Variants in SPHK2 observed in about 807,000 individuals in gnomAD.
SPHK2 encodes sphingosine kinase 2.
Under a neutral mutation model 32.3 loss-of-function variants are expected in SPHK2, and 18 were observed. The observed-to-expected ratio is 0.56, with a 90% CI of 0.39 to 0.83. The LOEUF is 0.83. Ranked by LOEUF, SPHK2 falls within the 40% of genes least tolerant of loss-of-function variation. The pLI is 0.00. For missense variants in SPHK2, 850 were observed against 908.7 expected (o/e 0.94, Z 0.83); for synonymous variants, 462 against 417.6 (o/e 1.11, Z -1.30).
In SPHK2 at chr19:48,628,769, G is replaced by GT; in HGVS notation, c.962dup (p.Thr322AspfsTer72). On this transcript the variant is annotated frameshift_variant, in exon 7 of 7. Coordinates refer to ENST00000245222, the MANE Select transcript of SPHK2 (RefSeq NM_020126.5). LOFTEE classifies it low-confidence loss of function (END_TRUNC). The surrounding 1 kb of genome is among the most constrained non-coding windows in gnomAD (Gnocchi z 5.2). ...TGGCCACCCACTGGACCTGCTCTCCGTGACGCTGGCCTCGGGCTCCCGCTG... is the reference window on the plus strand; with the variant it reads ...TGGCCACCCACTGGACCTGCTCTCCGTTGACGCTGGCCTCGGGCTCCCGCTG... 6.2e-7 allele frequency: 1 copy of GT among 1,613,336 alleles called. No individual in the cohort carries two copies. The highest frequency in any genetic ancestry group is 8.5e-7 in the Non-Finnish European group (1 of 1,180,030).
At chr19:48,627,218 C>T (rs2029990221) in intron 3 of SPHK2, among the ~76,000 whole-genome samples, 1 of 152,226 alleles carries the variant, frequency 6.6e-6, no homozygotes, top group Non-Finnish European at 1.5e-5. Flanking sequence ...TTTCTGTCTC[C>T]TATCCTCTTC....
At chr19:48,626,492 A>T in intron 3 of SPHK2, 130 bp downstream of exon 3, 1 of 1,182,292 alleles carries the variant, frequency 8.5e-7, no homozygotes, top group Non-Finnish European at 1.1e-6. Flanking sequence ...GTTAGGAGTG[A>T]TACACAGGGA....
rs1181059500 is a variant in SPHK2 at position 48,628,245 on chromosome 19, C to T, written c.840C>T (p.Asn280=). 1.5e-5 allele frequency: 25 copies of T among 1,613,434 alleles called. No homozygotes were observed. Among genetic ancestry groups the T allele is most frequent in the Admixed American group, 1.0e-4 (6 of 59,992 alleles). ...PVGILPCGSG[N]ALAGAVNQHG... ...GCATCCTCCCCTGCGGCTCGGGCAA[C>T]GCGCTGGCCGGAGCAGTGAACCAGC... is the stretch of plus-strand genomic sequence containing the variant. The change falls in exon 6 of 7, where the codon AAC becomes AAT. Residue 280 remains asparagine, a synonymous_variant. Transcript: ENST00000245222. The surrounding 1 kb of genome is among the most constrained non-coding windows in gnomAD (Gnocchi z 5.2).
Position 48,628,280 on chromosome 19 carries a change from A to G in SPHK2, c.872+3A>G, listed in dbSNP as rs750734391. ...GGAGCAGTGAACCAGCACGGGGGGT[A>G]GGTTGAGGATACCACGAAGGGAGGG... On this transcript the variant is annotated splice_donor_region_variant and intron_variant, in intron 6 of 6. Coordinates refer to ENST00000245222, the MANE Select transcript of SPHK2 (RefSeq NM_020126.5). The surrounding 1 kb of genome is among the most constrained non-coding windows in gnomAD (Gnocchi z 5.2). The G allele has an allele frequency of 6.2e-7, 1 of 1,612,538 alleles. No individual in the cohort carries two copies. The highest frequency in any genetic ancestry group is 2.2e-5 in the East Asian group (1 of 44,858).
In SPHK2 at chr19:48,628,492, G is replaced by T. The variant is rs139636538; in HGVS notation, c.873-189G>T. ...TGGCATGGGAGGCACTCAGTGAATT[G>T]TAGGGAGCAAATGAAAGATGACCAG... On this transcript the variant is annotated intron_variant, in intron 6 of 6. Transcript: ENST00000245222. The surrounding 1 kb of genome is among the most constrained non-coding windows in gnomAD (Gnocchi z 5.2). 6 of 884,142 alleles carry T rather than the reference G, an allele frequency of 6.8e-6. No individual in the cohort carries two copies. The Middle Eastern group carries it at 6.3e-4, about 93-fold the overall frequency. The allele number at this position is 884,142 out of a possible 1,614,324, so 54.8% of individuals were successfully genotyped here. A position where few individuals can be genotyped will look rare whatever the true frequency, so the allele number is the denominator to read the frequency against.
chr19:48,626,489 G>A (rs2147687642), intron 3 of SPHK2, 127 bp downstream of exon 3: 2 of 1,221,306 alleles, frequency 1.6e-6, no homozygotes, highest in South Asian at 1.6e-5. Flanking sequence ...TCCGTTAGGA[G>A]TGATACACAG....
At position 48,630,160 on chromosome 19, in the gene SPHK2, G is replaced by A. The variant is rs1003943680; in HGVS notation, c.*387G>A. ...TGTACTGGCTGGGGTAGGCCTCAGT[G>A]AGTCGGCCGGTCAGGGCCCGCAGCC... On this transcript the variant is annotated 3_prime_UTR_variant, in exon 7 of 7. Transcript: ENST00000245222. The surrounding 1 kb of genome is among the most constrained non-coding windows in gnomAD (Gnocchi z 4.9). The A allele has an allele frequency of 1.6e-6, 2 of 1,242,738 alleles. No individual in the cohort carries two copies. Among genetic ancestry groups the A allele is most frequent in the African/African-American group, 3.1e-5 (2 of 64,650 alleles). 77.0% of individuals were successfully genotyped at this position (1,242,738 alleles called of 1,614,324 possible). A position where few individuals can be genotyped will look rare whatever the true frequency, so the allele number is the denominator to read the frequency against.
Position 48,629,987 on chromosome 19 carries a change from T to C in SPHK2, c.*214T>C. On this transcript the variant is annotated 3_prime_UTR_variant, in exon 7 of 7. Transcript: ENST00000245222. The stretch of plus-strand genomic sequence containing the variant: ...ATGGGCTCGTCCCGAGGGTAGTGCC[T>C]GATCAATGAGGGCGGGGCCTGGCGT... 7.2e-7 allele frequency: 1 copy of C among 1,393,674 alleles called. No homozygotes were observed. Among genetic ancestry groups the C allele is most frequent in the East Asian group, 2.6e-5 (1 of 38,782 alleles). 86.3% of individuals were successfully genotyped at this position (1,393,674 alleles called of 1,614,324 possible). A position where few individuals can be genotyped will look rare whatever the true frequency, so the allele number is the denominator to read the frequency against.
chr19:48,628,359 C>A lies in SPHK2; in HGVS notation c.872+82C>A. On this transcript the variant is annotated intron_variant, in intron 6 of 6. Coordinates refer to ENST00000245222, the MANE Select transcript of SPHK2 (RefSeq NM_020126.5). This position sits in a 1 kb window ranked among gnomAD's most constrained non-coding sequence, Gnocchi z 5.2. Reference sequence around the variant, plus strand: ...CCTATATCTCCCACTCAGCCAAACCCACAGTCAGTCAAGTAAATCAGCCTG... The same window carrying A: ...CCTATATCTCCCACTCAGCCAAACCAACAGTCAGTCAAGTAAATCAGCCTG... 1 of 1,315,538 alleles carries A rather than the reference C, an allele frequency of 7.6e-7. No individual in the cohort carries two copies. The highest frequency in any genetic ancestry group is 1.1e-6 in the Non-Finnish European group (1 of 918,540). The allele number at this position is 1,315,538 out of a possible 1,614,324, so 81.5% of individuals were successfully genotyped here.
Position 48,629,064 on chromosome 19 carries a change from C to T in SPHK2, c.1256C>T (p.Ser419Phe), listed in dbSNP as rs775328709. The T allele has an allele frequency of 6.2e-7, 1 of 1,613,282 alleles. No homozygotes were observed. The highest frequency in any genetic ancestry group is 1.1e-5 in the South Asian group (1 of 91,070). ...PPMAHSPLHR[S>F]VSDLPLPLPQ... is the part of the protein sequence containing the mutation. The stretch of plus-strand genomic sequence containing the variant: ...ATGGCCCACTCACCCCTGCATCGTT[C>T]TGTGTCTGACCTGCCTCTTCCCCTG... Residue 419 changes from serine (S) to phenylalanine (F), a missense_variant, in exon 7 of 7, where the codon TCT becomes TTT. Coordinates refer to ENST00000245222, the MANE Select transcript of SPHK2 (RefSeq NM_020126.5).
rs189718828 is a variant in SPHK2, at chr19:48,621,847, C to T, written c.39+1294C>T. ...GTTTTAGGACTTGAGTTTATCCTGT[C>T]TAGTGACCTTGCAGCTGCACAGTTA... On this transcript the variant is annotated intron_variant, in intron 2 of 6. Coordinates refer to ENST00000245222, the MANE Select transcript of SPHK2 (RefSeq NM_020126.5). Among the ~76,000 whole-genome samples the T allele has an allele frequency of 1.7e-3, 252 of 152,278 alleles. 2 individuals carry two copies. Among genetic ancestry groups the T allele is most frequent in the African/African-American group, 5.6e-3 (233 of 41,554 alleles).
Position 48,628,120 on chromosome 19 carries a change from G to A in SPHK2, c.757-42G>A, listed in dbSNP as rs757905699. On this transcript the variant is annotated intron_variant, in intron 5 of 6. Transcript: ENST00000245222. The surrounding 1 kb of genome is among the most constrained non-coding windows in gnomAD (Gnocchi z 5.2). Reference sequence around the variant, plus strand: ...GCCCTGGGCCCTGGGGGACTATAGAGACTGCCACCAGGACCCAGGCTTCTG... The same window carrying A: ...GCCCTGGGCCCTGGGGGACTATAGAAACTGCCACCAGGACCCAGGCTTCTG... 7 of 1,596,108 alleles carry A rather than the reference G, an allele frequency of 4.4e-6. No individual in the cohort carries two copies. The African/African-American group carries it at 6.7e-5, about 15-fold the overall frequency.
In SPHK2 at chr19:48,626,050, C is replaced by T; in HGVS notation, c.199C>T (p.Leu67Phe). 6.2e-7 allele frequency: 1 copy of T among 1,613,490 alleles called. No individual in the cohort carries two copies. The highest frequency in any genetic ancestry group is 8.5e-7 in the Non-Finnish European group (1 of 1,179,914). Residue 67 changes from leucine to phenylalanine, a missense_variant, in exon 3 of 7, where the codon CTC (leucine) becomes TTC (phenylalanine). Leu to Phe is a conservative substitution (Grantham distance 22). Transcript: ENST00000245222. ...SYPARGPRFA[L>F]TLTSQALHIQ... ...CCCAGCCCGAGGCCCACGCTTTGCC[C>T]TCACCCTTACATCGCAGGCCCTGCA...
In SPHK2 at chr19:48,629,356, C is replaced by A. The variant is rs1451837747; in HGVS notation, c.1548C>A (p.Pro516=). ...ARVGASTCGP[P]DHLLPPLGTP... is the part of the protein sequence containing the mutation. ...TAGGGGCCTCCACCTGCGGCCCGCC[C>A]GACCACCTGCTGCCTCCGCTGGGCA... Residue 516 remains proline, a synonymous_variant, in exon 7 of 7, where the codon CCC becomes CCA. Transcript: ENST00000245222. 1 of 1,612,330 alleles carries A rather than the reference C, an allele frequency of 6.2e-7. No individual in the cohort carries two copies. Among genetic ancestry groups the A allele is most frequent in the Non-Finnish European group, 8.5e-7 (1 of 1,179,632 alleles).
At position 48,624,869 on chromosome 19, in the gene SPHK2, C is replaced by T. The variant is rs1360398692; in HGVS notation, c.40-1022C>T. ...TAGTTCCTAAGGGTGAGTCCACAGG[C>T]GGTGGGGGGTGGGGGGCTGTCCTGG... On this transcript the variant is annotated intron_variant, in intron 2 of 6. Coordinates refer to ENST00000245222, the MANE Select transcript of SPHK2 (RefSeq NM_020126.5). 1.2e-5 allele frequency: 10 copies of T among 853,316 alleles called. No homozygotes were observed. The African/African-American group carries it at 1.9e-4, about 16-fold the overall frequency. 52.9% of individuals were successfully genotyped at this position (853,316 alleles called of 1,614,324 possible).
intron 2 of SPHK2, chr19:48,623,436 C>G (rs903043011): frequency 6.6e-6 from 1 of 152,248 alleles, no homozygotes; most frequent in Non-Finnish European, 1.5e-5. Flanking sequence ...TAATGCATAT[C>G]TCTTTCTCTC....
At position 48,628,039 on chromosome 19, in the gene SPHK2, C is replaced by T; in HGVS notation, c.726C>T (p.Val242=). 1 of 1,595,664 alleles carries T rather than the reference C, an allele frequency of 6.3e-7. No individual in the cohort carries two copies. The highest frequency in any genetic ancestry group is 8.6e-7 in the Non-Finnish European group (1 of 1,167,548). ...GLSLSEWDGI[V]TVSGDGLLHE... is the part of the protein sequence containing the mutation. ...GCCTGAGTGAGTGGGATGGCATCGT[C>T]ACGGTCTCGGGAGACGGGCTGCTCC... is the stretch of plus-strand genomic sequence containing the variant. Residue 242 remains valine, a synonymous_variant, in exon 5 of 7, where the codon GTC becomes GTT. Coordinates refer to ENST00000245222, the MANE Select transcript of SPHK2 (RefSeq NM_020126.5). This position sits in a 1 kb window ranked among gnomAD's most constrained non-coding sequence, Gnocchi z 5.2.
In SPHK2 at chr19:48,629,768, C is replaced by A. The variant is rs1279189728; in HGVS notation, c.1960C>A (p.Pro654Thr). The A allele has an allele frequency of 1.3e-6, 2 of 1,566,406 alleles. No homozygotes were observed. Among genetic ancestry groups the A allele is most frequent in the African/African-American group, 2.7e-5 (2 of 73,592 alleles). ...TGPPGCPGRE[P>T] is the part of the protein sequence containing the mutation. ...GCCTCCTGGCTGCCCGGGGCGGGAGCCCTGAAACTAAACAAGCTTGGTACC... is the reference window on the plus strand; with the variant it reads ...GCCTCCTGGCTGCCCGGGGCGGGAGACCTGAAACTAAACAAGCTTGGTACC... Residue 654 changes from proline (P) to threonine (T), a missense_variant, in exon 7 of 7, where the codon CCC becomes ACC. By Grantham distance (38) the Pro-to-Thr change is conservative (BLOSUM62 -1). This residue lies in a region of SPHK2 where 306 missense variants were observed against 268.6 expected (regional missense o/e 1.14). Coordinates refer to ENST00000245222, the MANE Select transcript of SPHK2 (RefSeq NM_020126.5).
rs2030367830 is a variant in SPHK2 at position 48,629,472 on chromosome 19, C to T, written c.1664C>T (p.Ala555Val). The T allele has an allele frequency of 6.2e-7, 1 of 1,607,634 alleles. No individual in the cohort carries two copies. Among genetic ancestry groups the T allele is most frequent in the Non-Finnish European group, 8.5e-7 (1 of 1,178,324 alleles). ...SPSHLGADLVAAPHARFDDGL... is the reference protein window; with the variant it reads ...SPSHLGADLVVAPHARFDDGL... ...AGCCACCTAGGCGCTGACCTGGTGG[C>T]AGCTCCGCATGCGCGCTTCGACGAC... Residue 555 changes from alanine to valine, a missense_variant, in exon 7 of 7, where the codon GCA (alanine) becomes GTA (valine). Transcript: ENST00000245222.
Sources: allele counts gnomAD v4.1 joint callset (sites outside exome capture counted in the v4.1 genomes callset), GRCh38; gene constraint gnomAD v4.1.1; regional missense constraint gnomAD v4.1.1; non-coding constraint Gnocchi (gnomAD v3.1); transcripts MANE v1.5; gene names NCBI Gene and HGNC (gene_info 2026-07-23, HGNC 2026-07-21).